Variants in EML1 observed in about 807,000 individuals in gnomAD.
EML1 encodes echinoderm microtubule-associated protein-like 1.
Under a neutral mutation model 110.4 loss-of-function variants are expected in EML1, and 27 were observed. The observed-to-expected ratio is 0.24, with a 90% CI of 0.18 to 0.34. EML1 has a LOEUF of 0.34. Ranked by LOEUF, EML1 falls within the 10% of genes least tolerant of loss-of-function variation. The probability of loss-of-function intolerance (pLI) is 1.00; values close to 1 mark genes in which losing one functional copy is unlikely to be tolerated. For synonymous variants in EML1, 344 were observed against 385.8 expected (o/e 0.89, Z 1.27); for missense variants, 741 against 1,030.9 (o/e 0.72, Z 3.85).
In EML1 at chr14:99,907,674, A is replaced by G. The variant is rs925373616; in HGVS notation, c.1045A>G (p.Asn349Asp). The G allele has an allele frequency of 6.2e-7, 1 of 1,614,236 alleles. No individual in the cohort carries two copies. The highest frequency in any genetic ancestry group is 8.5e-7 in the Non-Finnish European group (1 of 1,180,038). ...CAATCTCTGTGCTGTGGATGACTCC[A>G]ACGACCATGTGCTCTCTGTATGGGA... ...GTNLCAVDDS[N>D]DHVLSVWDWQ... The change falls in exon 10 of 22, where the codon AAC (asparagine) becomes GAC (aspartate). Residue 349 changes from asparagine (N) to aspartate (D), a missense_variant. Around this residue, in one of 4 missense-constraint regions of EML1, gnomAD observed 388 missense variants for 605.6 expected, o/e 0.64. Transcript: ENST00000262233.
At chr14:99,822,446 A>G (rs552987297) in intron 1 of EML1, among the ~76,000 whole-genome samples, 5 of 152,346 alleles carry the variant, frequency 3.3e-5, no homozygotes, top group African/African-American at 1.2e-4. Context: ...GAATGGTAAT[A>G]TAACTAGGGT....
At chr14:99,790,859 T>C (rs928077843), upstream of EML1, among the ~76,000 whole-genome samples, 1 of 119,160 alleles carries the variant, frequency 8.4e-6, no homozygotes, top group Non-Finnish European at 1.9e-5. Flanking sequence ...TTTCTTTTTT[T>C]CTTTTCCTTT....
At position 99,937,823 on chromosome 14, in the gene EML1, C is replaced by T. The variant is rs752896428; in HGVS notation, c.2102C>T (p.Pro701Leu). The T allele has an allele frequency of 1.2e-6, 2 of 1,613,876 alleles. No individual in the cohort carries two copies. The highest frequency in any genetic ancestry group is 1.3e-5 in the African/African-American group (1 of 74,910). ...GACTGTTTGCTTTTTGCAGGGGTTC[C>T]CTCTGCCTGTAAGCAAGTCGTAAGT... is the stretch of plus-strand genomic sequence containing the variant. The part of the protein sequence containing the change: ...SGDYEILYWV[P>L]SACKQVVSVE... Residue 701 changes from proline (P) to leucine (L), a missense_variant, in exon 20 of 22, where the codon CCC becomes CTC. By Grantham distance (98) the Pro-to-Leu change is moderately conservative. This residue lies in a region of EML1 where 388 missense variants were observed against 605.6 expected (regional missense o/e 0.64). Transcript: ENST00000262233.
intron 1 of EML1, among the ~76,000 whole-genome samples, chr14:99,806,352 G>GTT (rs2057975809): frequency 1.2e-5 from 1 of 80,834 alleles, no homozygotes; most frequent in African/African-American, 4.8e-5. Context: ...AGACATTCTT[G>GTT]TTGCCCAGGC....
rs77326257 is a variant in EML1 at position 99,784,021 on chromosome 14, G to A, written c.-27+10008G>A. ...TGGAAATTCATTTGCAATCTACTGCGGTGCCCGCACTATTGCATGAATTAG... is the reference window on the plus strand; with the variant it reads ...TGGAAATTCATTTGCAATCTACTGCAGTGCCCGCACTATTGCATGAATTAG... On this transcript the variant is annotated intron_variant, in intron 1 of 22. Coordinates refer to the EML1 transcript ENST00000327921. The surrounding 1 kb of genome is among the most constrained non-coding windows in gnomAD (Gnocchi z 4.5). 0.06 allele frequency among the ~76,000 whole-genome samples: 9,189 copies of A among 152,330 alleles called. 311 individuals are homozygous for A. Among genetic ancestry groups the A allele is most frequent in the African/African-American group, 0.076 (3,170 of 41,570 alleles).
intron 2 of EML1, among the ~76,000 whole-genome samples, chr14:99,851,511 G>A (rs2058800523): frequency 6.6e-6 from 1 of 152,056 alleles, no homozygotes; most frequent in Non-Finnish European, 1.5e-5. Flanking sequence ...GTTTCACCGT[G>A]TTAGCCAGGA....
chr14:99,873,566 A>G (rs2059240150), intron 3 of EML1, among the ~76,000 whole-genome samples: 1 of 152,242 alleles, frequency 6.6e-6, no homozygotes, highest in Admixed American at 6.5e-5. Flanking sequence ...CCTGTTGAAC[A>G]AAGGAAGACC....
At position 99,851,130 on chromosome 14, in the gene EML1, G is replaced by A. The variant is rs1181731849; in HGVS notation, c.250+95G>A. The A allele has an allele frequency of 3.8e-6, 5 of 1,322,456 alleles. No individual in the cohort carries two copies. In the Admixed American group the frequency reaches 1.2e-4, roughly 33 times the overall value. 81.9% of individuals were successfully genotyped at this position (1,322,456 alleles called of 1,614,324 possible). A position where few individuals can be genotyped will look rare whatever the true frequency, so the allele number is the denominator to read the frequency against. On this transcript the variant is annotated intron_variant, in intron 2 of 21. Transcript: ENST00000262233. ...CATTGTGCTCTTTAATATTGACAGA[G>A]AATCGAAACTTAGAATAACAATAAA... is the stretch of plus-strand genomic sequence containing the variant.
At chr14:99,844,954 A>G (rs1295299978) in intron 1 of EML1, among the ~76,000 whole-genome samples, 2 of 152,208 alleles carry the variant, frequency 1.3e-5, no homozygotes, top group Non-Finnish European at 1.5e-5. Flanking sequence ...TCCAGTTTCT[A>G]TCAAGTCTGA....
intron 1 of EML1, among the ~76,000 whole-genome samples, chr14:99,823,799 T>C (rs561511346): frequency 1.3e-5 from 2 of 152,004 alleles, no homozygotes; most frequent in South Asian, 2.1e-4. Flanking sequence ...AGGGACAGAG[T>C]GTGTAGCCTG....
chr14:99,924,095 G>C (rs1043298931), intron 17 of EML1, among the ~76,000 whole-genome samples: 3 of 152,178 alleles, frequency 2.0e-5, no homozygotes, highest in Non-Finnish European at 4.4e-5. Context: ...CATTTATTTA[G>C]GTCTTTACTT....
intron 1 of EML1, among the ~76,000 whole-genome samples, chr14:99,800,163 T>G (rs2057848535): frequency 6.6e-6 from 1 of 152,158 alleles, no homozygotes; most frequent in Non-Finnish European, 1.5e-5. Flanking sequence ...AGCTTCATGT[T>G]TTTCTCACTA....
At chr14:99,881,111 C>T (rs373710364) in intron 4 of EML1, among the ~76,000 whole-genome samples, 28 of 152,220 alleles carry the variant, frequency 1.8e-4, no homozygotes, top group African/African-American at 6.5e-4. Flanking sequence ...GGGAGCTGGT[C>T]TGTGGGCTGC....
chr14:99,862,479 G>T (rs1346306683), intron 2 of EML1, among the ~76,000 whole-genome samples: 1 of 152,176 alleles, frequency 6.6e-6, no homozygotes, highest in Non-Finnish European at 1.5e-5. Flanking sequence ...AAATTATTCA[G>T]AATACAGCTG....
chr14:99,753,102 A>G (rs1409695622), intron 1 of EML1, among the ~76,000 whole-genome samples: 4 of 151,682 alleles, frequency 2.6e-5, no homozygotes, highest in African/African-American at 9.7e-5. Flanking sequence ...AGTGGGCAGG[A>G]CACATGTGGA....
chr14:99,921,780 A>G lies in EML1; in HGVS notation c.1909+903A>G, dbSNP rs181676190. On this transcript the variant is annotated intron_variant, in intron 17 of 21. Coordinates refer to ENST00000262233, the MANE Select transcript of EML1 (RefSeq NM_004434.3). ...AATTTACATACAATAATGAACCATTATAAATGTACAGCTCATCGATTCTTT... is the reference window on the plus strand; with the variant it reads ...AATTTACATACAATAATGAACCATTGTAAATGTACAGCTCATCGATTCTTT... 2.6e-5 allele frequency among the ~76,000 whole-genome samples: 4 copies of G among 152,336 alleles called. No homozygotes were observed. In the East Asian group the frequency reaches 5.8e-4, roughly 22 times the overall value.
At chr14:99,915,605 T>A (rs570468870) in intron 15 of EML1, among the ~76,000 whole-genome samples, 4 of 152,098 alleles carry the variant, frequency 2.6e-5, no homozygotes, top group South Asian at 2.1e-4. Context: ...GTTTTTTTTT[T>A]AACTCTGATT....
intron 1 of EML1, among the ~76,000 whole-genome samples, chr14:99,806,676 C>T (rs1220940869): frequency 1.3e-5 from 2 of 152,072 alleles, no homozygotes; most frequent in East Asian, 1.9e-4. Flanking sequence ...CAGTACAAGA[C>T]CACTCTCAAG....
intron 1 of EML1, among the ~76,000 whole-genome samples, chr14:99,824,980 C>G (rs1000343764): frequency 5.9e-5 from 9 of 151,974 alleles, no homozygotes; most frequent in Admixed American, 1.3e-4. Context: ...GTGTAATATT[C>G]CAGGGTCATT....
Sources: gnomAD v4.1 joint callset for allele counts (sites outside exome capture counted in the v4.1 genomes callset) on GRCh38, gnomAD v4.1.1 for gene constraint, gnomAD v4.1.1 regional missense constraint, Gnocchi (gnomAD v3.1) non-coding constraint, MANE v1.5 for transcripts, NCBI Gene and HGNC (gene_info 2026-07-23, HGNC 2026-07-21) for gene names.